The following JPH3 variants were observed in gnomAD, a reference collection of about 807,000 sequenced individuals.
The protein encoded by JPH3 is junctophilin 3, also known as junctophilin-3.
A neutral mutation model predicts 59.6 loss-of-function variants in JPH3; 11 were observed. The ratio of observed to expected loss-of-function variants is 0.18; its 90% CI spans 0.12 to 0.31. JPH3 has a LOEUF of 0.31. Ranked by LOEUF, JPH3 falls within the 10% of genes least tolerant of loss-of-function variation. The probability of loss-of-function intolerance (pLI) is 1.00; values close to 1 mark genes in which losing one functional copy is unlikely to be tolerated. For missense variants in JPH3, 1,202 were observed against 1,105.7 expected (o/e 1.09, Z -1.24); for synonymous variants, 673 against 483.6 (o/e 1.39, Z -5.14).
chr16:87,662,580 T>A (rs2032739663), intron 2 of JPH3, among the ~76,000 whole-genome samples: 1 of 152,102 alleles, frequency 6.6e-6, no homozygotes, highest in South Asian at 2.1e-4. Flanking sequence ...CAGGCTTGAG[T>A]GAGGCTCTGC....
chr16:87,613,182 C>T (rs12929918), intron 1 of JPH3, among the ~76,000 whole-genome samples: 43,887 of 145,102 alleles, frequency 0.3, 7,332 homozygotes, highest in Non-Finnish European at 0.37. Context: ...CTGCAAGCTC[C>T]GCCTGCCGGA....
Position 87,644,420 on chromosome 16 carries a change from C to T in JPH3, c.545C>T (p.Ser182Phe), listed in dbSNP as rs970281727. ...GGCACGGCGCTGCATCCCGACGCCT[C>T]TCCGGCGGTGGCCGGCAGCCCGGCC... ...TNGTALHPDASPAVAGSPAVS... is the reference protein window; with the variant it reads ...TNGTALHPDAFPAVAGSPAVS... Residue 182 changes from serine (S) to phenylalanine (F), a missense_variant, in exon 2 of 5, where the codon TCT becomes TTT. By Grantham distance (155) the Ser-to-Phe change is radical. Coordinates refer to ENST00000284262, the MANE Select transcript of JPH3 (RefSeq NM_020655.4). 1.9e-6 allele frequency: 3 copies of T among 1,612,024 alleles called. No individual in the cohort carries two copies. Among genetic ancestry groups the T allele is most frequent in the East Asian group, 2.2e-5 (1 of 44,858 alleles).
At chr16:87,622,738 A>C (rs866882314) in intron 1 of JPH3, among the ~76,000 whole-genome samples, 14 of 146,278 alleles carry the variant, frequency 9.6e-5, no homozygotes, top group Non-Finnish European at 1.4e-4. Context: ...GATAAATCAG[A>C]CCCCCCCCCG....
Position 87,602,713 on chromosome 16 carries a change from A to G in JPH3, c.-434A>G, listed in dbSNP as rs2030284106. 1.8e-5 allele frequency among the ~76,000 whole-genome samples: 2 copies of G among 109,998 alleles called. No individual in the cohort carries two copies. Among genetic ancestry groups the G allele is most frequent in the African/African-American group, 6.8e-5 (2 of 29,328 alleles). 72.2% of individuals were successfully genotyped at this position (109,998 alleles called of 152,430 possible). Reference sequence around the variant, plus strand: ...CGCCCTCGGGCGCCCGCAGCGCGGCAGCCGCAGGTGGGGGGCCGCGGCCCG... The same window carrying G: ...CGCCCTCGGGCGCCCGCAGCGCGGCGGCCGCAGGTGGGGGGCCGCGGCCCG... On this transcript the variant is annotated 5_prime_UTR_variant, in exon 1 of 5. Transcript: ENST00000284262.
At chr16:87,649,777 A>G (rs1359477453) in intron 2 of JPH3, among the ~76,000 whole-genome samples, 1 of 129,076 alleles carries the variant, frequency 7.7e-6, no homozygotes, top group African/African-American at 2.9e-5. Flanking sequence ...TCAGAACCCC[A>G]GGGTGAAGGA....
At chr16:87,655,684 C>T (rs7206369) in intron 2 of JPH3, among the ~76,000 whole-genome samples, 1 of 152,226 alleles carries the variant, frequency 6.6e-6, no homozygotes, top group African/African-American at 2.4e-5. Context: ...CCTGTATTCC[C>T]TAAATAGTCA....
At chr16:87,667,316 A>G (rs1340843107) in intron 2 of JPH3, among the ~76,000 whole-genome samples, 1 of 152,162 alleles carries the variant, frequency 6.6e-6, no homozygotes, top group Non-Finnish European at 1.5e-5. Flanking sequence ...ACGTGAATGG[A>G]ATATTCTGAG....
At chr16:87,635,122 T>C (rs924568815) in intron 1 of JPH3, among the ~76,000 whole-genome samples, 1 of 152,050 alleles carries the variant, frequency 6.6e-6, no homozygotes, top group African/African-American at 2.4e-5. Flanking sequence ...CATGAGTGAG[T>C]GTCTCCTGGG....
At position 87,690,506 on chromosome 16, in the gene JPH3, G is replaced by A. The variant is rs1348466278; in HGVS notation, c.2146G>A (p.Asp716Asn). The change falls in exon 4 of 5, where the codon GAT (aspartate) becomes AAT (asparagine). Residue 716 changes from aspartate to asparagine, a missense_variant. Transcript: ENST00000284262. ...TCTAGAGTCCGACGAGGAGAATGGG[G>A]ATGAGCTCAAGTCCAGTACGGTGAG... ...VALESDEENG[D>N]ELKSSTGSAP... is the part of the protein sequence containing the mutation. The A allele has an allele frequency of 1.3e-6, 2 of 1,482,712 alleles. No individual in the cohort carries two copies. The highest frequency in any genetic ancestry group is 2.5e-5 in the Admixed American group (1 of 39,710). 91.8% of individuals were successfully genotyped at this position (1,482,712 alleles called of 1,614,324 possible). A position where few individuals can be genotyped will look rare whatever the true frequency, so the allele number is the denominator to read the frequency against.
intron 2 of JPH3, among the ~76,000 whole-genome samples, chr16:87,674,910 G>C (rs981397268): frequency 2.6e-5 from 4 of 152,010 alleles, no homozygotes; most frequent in Non-Finnish European, 4.4e-5. Context: ...ACAGGCGCCT[G>C]CCACCATGCC....
chr16:87,609,280 G>A (rs1028150002), intron 1 of JPH3, among the ~76,000 whole-genome samples: 3 of 152,130 alleles, frequency 2.0e-5, no homozygotes, highest in African/African-American at 7.2e-5. Context: ...TTATTTATCT[G>A]TTTTGAGATG....
chr16:87,689,907 A>C lies in JPH3; in HGVS notation c.1547A>C (p.Gln516Pro), dbSNP rs2033518208. 2.0e-6 allele frequency: 3 copies of C among 1,464,290 alleles called. No homozygotes were observed. The highest frequency in any genetic ancestry group is 2.4e-5 in the Admixed American group (1 of 40,858). The allele number at this position is 1,464,290 out of a possible 1,614,324, so 90.7% of individuals were successfully genotyped here. The change falls in exon 4 of 5, where the codon CAG becomes CCG. Residue 516 changes from glutamine to proline, a missense_variant. By Grantham distance (76) the Gln-to-Pro change is moderately conservative (BLOSUM62 -1). Coordinates refer to ENST00000284262, the MANE Select transcript of JPH3 (RefSeq NM_020655.4). ...GACGAGGAGCGGGGCGGGGACATCCAGATGCTCCTGGAGGGCCGGGCCGGG... is the reference window on the plus strand; with the variant it reads ...GACGAGGAGCGGGGCGGGGACATCCCGATGCTCCTGGAGGGCCGGGCCGGG... ...SVDEERGGDI[Q>P]MLLEGRAGDC...
chr16:87,662,911 C>G (rs1385685707), intron 2 of JPH3, among the ~76,000 whole-genome samples: 3 of 152,208 alleles, frequency 2.0e-5, no homozygotes, highest in African/African-American at 4.8e-5. Flanking sequence ...CGGCTCCTTT[C>G]ACGGACTTCC....
At chr16:87,695,962 G>A (rs1336820705) in intron 4 of JPH3, 1 of 456,084 alleles carries the variant, frequency 2.2e-6, no homozygotes, top group South Asian at 1.5e-5. Flanking sequence ...GGTGGTGGCA[G>A]CAGCATTCAG....
At chr16:87,628,079 C>T (rs563954082) in intron 1 of JPH3, among the ~76,000 whole-genome samples, 17 of 152,340 alleles carry the variant, frequency 1.1e-4, no homozygotes, top group South Asian at 6.2e-4. Context: ...CCCCTGTTCA[C>T]GCCCCACAGA....
chr16:87,608,387 A>C (rs1864151), intron 1 of JPH3, among the ~76,000 whole-genome samples: 64,535 of 152,042 alleles, frequency 0.42, 14,197 homozygotes, highest in African/African-American at 0.45. Flanking sequence ...TGAGTACTAG[A>C]GGAGAGGGTG....
chr16:87,602,831 G>A lies in JPH3; in HGVS notation c.-316G>A, dbSNP rs2030293439. On this transcript the variant is annotated 5_prime_UTR_variant, in exon 1 of 5. Transcript: ENST00000284262. ...TCTCGCCGCTGAGGTGGAGCCGCGG[G>A]CCCCGCCGCCGCCGCTCCTGCCCCC... 1 of 162,546 alleles carries A rather than the reference G, an allele frequency of 6.2e-6. No individual in the cohort carries two copies. The highest frequency in any genetic ancestry group is 1.8e-4 in the East Asian group (1 of 5,514). The allele number at this position is 162,546 out of a possible 1,614,324, so 10.1% of individuals were successfully genotyped here. A position where few individuals can be genotyped will look rare whatever the true frequency, so the allele number is the denominator to read the frequency against.
At chr16:87,645,776 AGT>A (rs978162954) in intron 2 of JPH3, among the ~76,000 whole-genome samples, 25 of 151,800 alleles carry the variant, frequency 1.6e-4, no homozygotes, top group African/African-American at 5.6e-4. Flanking sequence ...TGTGGAGGTG[AGT>A]GTGTGAGCCA....
chr16:87,606,633 T>G (rs2030531749), intron 1 of JPH3, among the ~76,000 whole-genome samples: 1 of 152,222 alleles, frequency 6.6e-6, no homozygotes, highest in African/African-American at 2.4e-5. Context: ...TACAAAAGGT[T>G]GATAACAATA....
Sources: allele counts gnomAD v4.1 joint callset (sites outside exome capture counted in the v4.1 genomes callset), GRCh38; gene constraint gnomAD v4.1.1; transcripts MANE v1.5; gene names NCBI Gene and HGNC (gene_info 2026-07-23, HGNC 2026-07-21).